SP6: variants seen among roughly 807,000 people sequenced by gnomAD.
SP6 encodes the protein Sp6 transcription factor.
Under a neutral mutation model 23.4 loss-of-function variants are expected in SP6, and 10 were observed. The ratio of observed to expected loss-of-function variants is 0.43; its 90% CI spans 0.26 to 0.72. The LOEUF is 0.72. Ranked by LOEUF, SP6 falls within the 30% of genes least tolerant of loss-of-function variation. The probability of loss-of-function intolerance (pLI) is 0.23; values close to 1 mark genes in which losing one functional copy is unlikely to be tolerated. For synonymous variants in SP6, 238 were observed against 238.7 expected, an observed-to-expected ratio of 1.00 and a Z score of 0.03; for missense variants, 482 against 523.8, an observed-to-expected ratio of 0.92 and a Z score of 0.78.
At chr17:47,875,142 C>T in the SP6 span, among the ~76,000 whole-genome samples, 1 of 152,206 alleles carries the variant, frequency 6.6e-6, no homozygotes. Flanking sequence ...CTTCTCCCAG[C>T]TTCTTACCAC....
chr17:47,862,835 A>G, the SP6 span, among the ~76,000 whole-genome samples: 2 of 152,258 alleles, frequency 1.3e-5, no homozygotes, highest in African/African-American at 4.8e-5. Context: ...ACCTCTGCTC[A>G]GTGCCTGTGG....
rs868817436 is a variant in SP6 at position 47,847,950 on chromosome 17, C to T, written c.480G>A (p.Gln160=). The change falls in exon 2 of 2, where the codon CAG becomes CAA. Residue 160 remains glutamine (Q), a synonymous_variant. Transcript: ENST00000536300. ...AGLGGYVGDH[Q]LCAPPPHPHA... is the part of the protein sequence containing the mutation. ...GCGGGTGGGGTGGCGGGGCACAAAG[C>T]TGGTGGTCTCCGACGTAGCCCCCCA... 7 of 1,571,438 alleles carry T rather than the reference C, an allele frequency of 4.5e-6. No individual in the cohort carries two copies. Among genetic ancestry groups the T allele is most frequent in the Middle Eastern group, 1.7e-4 (1 of 5,864 alleles).
At chr17:47,862,351 A>G in the SP6 span, among the ~76,000 whole-genome samples, 2 of 151,016 alleles carry the variant, frequency 1.3e-5, no homozygotes, top group East Asian at 1.9e-4. Flanking sequence ...CTCAAAAAAA[A>G]AAAAAAAAAA....
At chr17:47,852,577 C>T (rs999802707), upstream of SP6, among the ~76,000 whole-genome samples, 1 of 152,144 alleles carries the variant, frequency 6.6e-6, no homozygotes, top group Non-Finnish European at 1.5e-5. Flanking sequence ...AATCTCGCCT[C>T]TACAGCCCCT....
rs1285862413 is a variant in SP6 at position 47,847,197 on chromosome 17, C to T, written c.*102G>A. ...ACTTTTCCTCCTCCCTGAATAAATA[C>T]GCACCTTCCCCTCTTCCTCAAGCCA... On this transcript the variant is annotated 3_prime_UTR_variant, in exon 2 of 2. Transcript: ENST00000536300. 3.3e-6 allele frequency: 4 copies of T among 1,220,452 alleles called. No individual in the cohort carries two copies. Among genetic ancestry groups the T allele is most frequent in the Non-Finnish European group, 4.4e-6 (4 of 901,872 alleles). The allele number at this position is 1,220,452 out of a possible 1,614,324, so 75.6% of individuals were successfully genotyped here. A position where few individuals can be genotyped will look rare whatever the true frequency, so the allele number is the denominator to read the frequency against.
At chr17:47,869,018 C>T in the SP6 span, among the ~76,000 whole-genome samples, 3 of 152,230 alleles carry the variant, frequency 2.0e-5, no homozygotes, top group Non-Finnish European at 2.9e-5. Context: ...GCCCAGGAGG[C>T]GGGGAGGCAG....
At chr17:47,854,272 A>C (rs2143660530), upstream of SP6, among the ~76,000 whole-genome samples, 1 of 152,342 alleles carries the variant, frequency 6.6e-6, no homozygotes, top group South Asian at 2.1e-4. Context: ...TTTACTGAGC[A>C]CCTACTATGT....
chr17:47,858,765 A>ATTT (rs1378977037), upstream of SP6, among the ~76,000 whole-genome samples: 6 of 109,036 alleles, frequency 5.5e-5, no homozygotes, highest in Admixed American at 2.0e-4. Flanking sequence ...CAGATGAAGC[A>ATTT]TCTTTTTTTT....
the SP6 span, among the ~76,000 whole-genome samples, chr17:47,873,903 G>C: frequency 1.6e-5 from 2 of 124,764 alleles, no homozygotes; most frequent in Non-Finnish European, 1.6e-5. Context: ...TTCCTCCTCC[G>C]CCTCCTACTC....
intron 1 of SP6, among the ~76,000 whole-genome samples, chr17:47,849,091 G>C (rs729988): frequency 0.24 from 36,357 of 151,950 alleles, 5,762 homozygotes; most frequent in Non-Finnish European, 0.36. Flanking sequence ...TGGTCACATC[G>C]GGCCCACTAA....
At chr17:47,869,312 G>A in the SP6 span, among the ~76,000 whole-genome samples, 1 of 152,236 alleles carries the variant, frequency 6.6e-6, no homozygotes, top group Non-Finnish European at 1.5e-5. Context: ...GACTTCCTCT[G>A]GAATCCCTTT....
chr17:47,848,593 T>TA lies in SP6; in HGVS notation c.-57-108_-57-107insT. ...CAGGTGTAAAAGAAGGATGCACCTC[T>TA]GAACGAGGACTAGAGATGAGTTTAG... On this transcript the variant is annotated intron_variant, in intron 1 of 1. Coordinates refer to ENST00000536300, the MANE Select transcript of SP6 (RefSeq NM_001258248.2). This position sits in a 1 kb window ranked among gnomAD's most constrained non-coding sequence, Gnocchi z 5.3. The TA allele has an allele frequency of 1.6e-6, 1 of 630,986 alleles. No homozygotes were observed. Among genetic ancestry groups the TA allele is most frequent in the Non-Finnish European group, 2.7e-6 (1 of 366,754 alleles). 39.1% of individuals were successfully genotyped at this position (630,986 alleles called of 1,614,324 possible). A position where few individuals can be genotyped will look rare whatever the true frequency, so the allele number is the denominator to read the frequency against.
chr17:47,870,941 G>A, the SP6 span, among the ~76,000 whole-genome samples: 1 of 152,132 alleles, frequency 6.6e-6, no homozygotes, highest in Non-Finnish European at 1.5e-5. Flanking sequence ...CATACTCCCT[G>A]CCCCCAAACT....
the SP6 span, among the ~76,000 whole-genome samples, chr17:47,875,029 CG>C: frequency 6.6e-6 from 1 of 152,106 alleles, no homozygotes; most frequent in Non-Finnish European, 1.5e-5. Flanking sequence ...CCCCCTTTTC[CG>C]GGCCCCTGCC....
At chr17:47,863,674 T>A in the SP6 span, among the ~76,000 whole-genome samples, 2 of 150,176 alleles carry the variant, frequency 1.3e-5, no homozygotes, top group Non-Finnish European at 3.0e-5. Flanking sequence ...GTCCAAGCAA[T>A]TCTCTTGCCT....
chr17:47,863,081 C>G, the SP6 span, among the ~76,000 whole-genome samples: 1 of 152,276 alleles, frequency 6.6e-6, no homozygotes, highest in Admixed American at 6.5e-5. Context: ...TCTGCCTGCT[C>G]TCTGCACAGC....
In SP6 at chr17:47,847,347, C is replaced by T. The variant is rs900411734; in HGVS notation, c.1083G>A (p.Gly361=). ...CCTCGGCCTCGCGTTTGCCTTTGCC[C>T]CCGGGGGGCTCCACTGCGCCGCCGG... ...GKAGGAVEPP[G]GKGKREAEGS... The change falls in exon 2 of 2, where the codon GGG becomes GGA. Residue 361 remains glycine, a synonymous_variant. Transcript: ENST00000536300. 2.5e-6 allele frequency: 4 copies of T among 1,599,172 alleles called. No homozygotes were observed. Among genetic ancestry groups the T allele is most frequent in the Non-Finnish European group, 3.4e-6 (4 of 1,173,230 alleles).
At chr17:47,853,161 G>A (rs1220194458), upstream of SP6, among the ~76,000 whole-genome samples, 2 of 152,222 alleles carry the variant, frequency 1.3e-5, no homozygotes, top group African/African-American at 4.8e-5. Flanking sequence ...CGGAGATGCC[G>A]CCTGACATCG....
chr17:47,848,255 G>A lies in SP6; in HGVS notation c.175C>T (p.Pro59Ser). ...TAGCCCTGCGAGAAGTCCACCTCCG[G>A]GCCCAGCGGGAGGCTCTGCAGCTCT... ...PGELQSLPLG[P>S]EVDFSQGYEL... The change falls in exon 2 of 2, where the codon CCG becomes TCG. Residue 59 changes from proline to serine, a missense_variant. Physicochemically the swap from Pro to Ser is moderately conservative, Grantham distance 74. Around this residue, in one of 3 missense-constraint regions of SP6, gnomAD observed 330 missense variants for 332.3 expected, o/e 0.99. Coordinates refer to ENST00000536300, the MANE Select transcript of SP6 (RefSeq NM_001258248.2). The surrounding 1 kb of genome is among the most constrained non-coding windows in gnomAD (Gnocchi z 5.3). 6.2e-7 allele frequency: 1 copy of A among 1,611,944 alleles called. No individual in the cohort carries two copies. The highest frequency in any genetic ancestry group is 8.5e-7 in the Non-Finnish European group (1 of 1,179,008).
Sources: gnomAD v4.1 joint callset for allele counts (sites outside exome capture counted in the v4.1 genomes callset) on GRCh38, gnomAD v4.1.1 for gene constraint, gnomAD v4.1.1 regional missense constraint, Gnocchi (gnomAD v3.1) non-coding constraint, MANE v1.5 for transcripts, NCBI Gene and HGNC (gene_info 2026-07-23, HGNC 2026-07-21) for gene names.